Variants in GTF2IRD1 observed in about 807,000 individuals in gnomAD.
The protein encoded by GTF2IRD1 is GTF2I repeat domain containing 1.
In GTF2IRD1, 26 loss-of-function variants were observed where a neutral mutation model predicts 113.2. The observed-to-expected ratio is 0.23, with a 90% CI of 0.17 to 0.32. GTF2IRD1 has a LOEUF of 0.32. Ranked by LOEUF, GTF2IRD1 falls within the 10% of genes least tolerant of loss-of-function variation. The pLI is 1.00. For missense variants in GTF2IRD1, 864 were observed against 1,280.8 expected, an observed-to-expected ratio of 0.67 and a Z score of 4.97; for synonymous variants, 484 against 529.1, an observed-to-expected ratio of 0.91 and a Z score of 1.17.
intron 22 of GTF2IRD1, among the ~76,000 whole-genome samples, chr7:74,569,353 A>G (rs1800544706): frequency 6.6e-6 from 1 of 152,116 alleles, no homozygotes; most frequent in South Asian, 2.1e-4. Flanking sequence ...CCATTTTGTA[A>G]CTGAGCAAAC....
intron 1 of GTF2IRD1, among the ~76,000 whole-genome samples, chr7:74,466,218 C>A (rs37631): frequency 0.81 from 123,037 of 152,058 alleles, 49,890 homozygotes; most frequent in Admixed American, 0.85. Flanking sequence ...GGGGCGGGGG[C>A]TACCTGTGGC....
At chr7:74,459,944 G>A (rs1198901383) in intron 1 of GTF2IRD1, among the ~76,000 whole-genome samples, 1 of 151,862 alleles carries the variant, frequency 6.6e-6, no homozygotes, top group East Asian at 1.9e-4. Context: ...AGTTTGAATC[G>A]AGTGGAGCTG....
At chr7:74,511,492 C>T (rs1275214611) in intron 2 of GTF2IRD1, among the ~76,000 whole-genome samples, 2 of 152,234 alleles carry the variant, frequency 1.3e-5, no homozygotes, top group African/African-American at 4.8e-5. Context: ...TAATAGTCTA[C>T]AGTGTTCCCG....
In GTF2IRD1 at chr7:74,536,234, G is replaced by A. The variant is rs1554350144; in HGVS notation, c.1368G>A (p.Glu456=). The A allele has an allele frequency of 2.5e-6, 4 of 1,613,192 alleles. No homozygotes were observed. The African/African-American group carries it at 4.0e-5, about 16-fold the overall frequency. ...GCCCGCCAGAGGACACCTCTGCAGA[G>A]GTCTCTAGGGCCACCGTCCTTGACC... ...PASPPEDTSA[E]VSRATVLDLA... Residue 456 remains glutamate, a synonymous_variant, in exon 11 of 27, where the codon GAG becomes GAA. Transcript: ENST00000424337.
Position 74,601,157 on chromosome 7 carries a change from T to C in GTF2IRD1, c.2743T>C (p.Ser915Pro). 1 of 1,603,792 alleles carries C rather than the reference T, an allele frequency of 6.2e-7. No individual in the cohort carries two copies. Among genetic ancestry groups the C allele is most frequent in the South Asian group, 1.1e-5 (1 of 89,758 alleles). ...GTCCTCTAACCCGGATTCAGTGGCA[T>C]CGGCCAACCAGATCTCACTCGTGGT... is the stretch of plus-strand genomic sequence containing the variant. ...SSSSNPDSVA[S>P]ANQISLVQWP... The change falls in exon 26 of 27, where the codon TCG becomes CCG. Residue 915 changes from serine (S) to proline (P), a missense_variant. Around this residue, in one of 7 missense-constraint regions of GTF2IRD1, gnomAD observed 55 missense variants for 52.2 expected, o/e 1.05. Coordinates refer to ENST00000424337, the MANE Select transcript of GTF2IRD1 (RefSeq NM_005685.4).
Position 74,539,929 on chromosome 7 carries a change from C to G in GTF2IRD1, c.1579C>G (p.Pro527Ala), listed in dbSNP as rs1209220038. The G allele has an allele frequency of 3.7e-6, 6 of 1,613,196 alleles. No individual in the cohort carries two copies. The African/African-American group carries it at 8.0e-5, about 22-fold the overall frequency. Residue 527 changes from proline to alanine, a missense_variant, in exon 14 of 27, where the codon CCA becomes GCA. This residue lies in a region of GTF2IRD1 where 218 missense variants were observed against 352.6 expected (regional missense o/e 0.62). Transcript: ENST00000424337. ...GACAGACTCGATGCCTGGGCACCTG[C>G]CATCGGAGGATTCTGGTTATGGGAT... ...EMTDSMPGHL[P>A]SEDSGYGMEM...
intron 14 of GTF2IRD1, among the ~76,000 whole-genome samples, chr7:74,540,545 G>C (rs1554351422): frequency 6.6e-6 from 1 of 151,992 alleles, no homozygotes; most frequent in African/African-American, 2.4e-5. Context: ...AGCATCTGTT[G>C]TGTACCAGGT....
At chr7:74,575,681 G>C (rs1464765645) in intron 22 of GTF2IRD1, among the ~76,000 whole-genome samples, 3 of 152,170 alleles carry the variant, frequency 2.0e-5, no homozygotes, top group Non-Finnish European at 4.4e-5. Flanking sequence ...CAGAGGTTCA[G>C]GCTGAACTTG....
In GTF2IRD1 at chr7:74,573,633, A is replaced by G. The variant is rs1583925056; in HGVS notation, c.2320+13978A>G. On this transcript the variant is annotated intron_variant, in intron 22 of 26. Transcript: ENST00000424337. ...GGCACCTTGTGCAGAACAGAAGCTG[A>G]TGCGTGTGTCTGAGCCATAGAAGTA... 2.0e-5 allele frequency among the ~76,000 whole-genome samples: 3 copies of G among 152,318 alleles called. No individual in the cohort carries two copies. The East Asian group carries it at 5.8e-4, about 29-fold the overall frequency.
At chr7:74,542,130 A>G (rs1554351947) in intron 14 of GTF2IRD1, among the ~76,000 whole-genome samples, 1 of 150,710 alleles carries the variant, frequency 6.6e-6, no homozygotes, top group African/African-American at 2.4e-5. Context: ...GGGCATGAAG[A>G]ATTGCGTAAT....
At chr7:74,548,748 T>A (rs1417822798) in intron 17 of GTF2IRD1, among the ~76,000 whole-genome samples, 2 of 151,266 alleles carry the variant, frequency 1.3e-5, no homozygotes, top group African/African-American at 2.4e-5. Context: ...TACAAAAAAA[T>A]TTTAAATTAG....
chr7:74,537,962 C>A (rs1380697106), intron 11 of GTF2IRD1, among the ~76,000 whole-genome samples, 174 bp from the exon 12 acceptor site: 15 of 152,226 alleles, frequency 9.9e-5, no homozygotes, highest in Admixed American at 2.0e-4. Flanking sequence ...CACGGGGAAT[C>A]TGTCTTCCTG....
chr7:74,456,408 G>A (rs1381375939), intron 1 of GTF2IRD1, among the ~76,000 whole-genome samples: 3 of 152,210 alleles, frequency 2.0e-5, no homozygotes, highest in African/African-American at 7.2e-5. Context: ...GTCTGGCCGG[G>A]CGCAGTGGCT....
chr7:74,589,389 C>T (rs1337725863), intron 22 of GTF2IRD1, among the ~76,000 whole-genome samples: 1 of 151,436 alleles, frequency 6.6e-6, no homozygotes, highest in Admixed American at 6.6e-5. Flanking sequence ...AGGGACAGAC[C>T]AATAACTGAT....
intron 8 of GTF2IRD1, among the ~76,000 whole-genome samples, chr7:74,528,869 A>AGATGGATG (rs781849655): frequency 4.7e-4 from 48 of 101,750 alleles, no homozygotes; most frequent in African/African-American, 1.5e-3. Flanking sequence ...ATGAATGGGC[A>AGATGGATG]GATGGATGGA....
chr7:74,578,267 C>T (rs1801199138), intron 22 of GTF2IRD1, among the ~76,000 whole-genome samples: 1 of 152,128 alleles, frequency 6.6e-6, no homozygotes, highest in South Asian at 2.1e-4. Flanking sequence ...CTGCAACCTC[C>T]ACCTCCCAGG....
chr7:74,552,559 A>AT lies in GTF2IRD1; in HGVS notation c.1917-2611dup, dbSNP rs79542963. ...AGGTAGCAGGAGCCAGATCACATGG[A>AT]TTTTGGGCCAGCTTAAAGAGTTTGA... On this transcript the variant is annotated intron_variant, in intron 17 of 26. Coordinates refer to ENST00000424337, the MANE Select transcript of GTF2IRD1 (RefSeq NM_005685.4). 0.026 allele frequency among the ~76,000 whole-genome samples: 3,937 copies of AT among 152,204 alleles called. 371 individuals are homozygous for AT. In the East Asian group the frequency reaches 0.34, roughly 13 times the overall value.
rs367742860 is a variant in GTF2IRD1, at chr7:74,599,750, T to C, written c.2630-1294T>C. 5.9e-5 allele frequency among the ~76,000 whole-genome samples: 9 copies of C among 152,292 alleles called. No homozygotes were observed. In the East Asian group the frequency reaches 1.5e-3, roughly 26 times the overall value. The stretch of plus-strand genomic sequence containing the variant: ...GTTGCCCAGGCTGGTCTCGAACTCC[T>C]GACCTCAGTCAATCCACCCACCTTG... On this transcript the variant is annotated intron_variant, in intron 25 of 26. Transcript: ENST00000424337.
Position 74,522,117 on chromosome 7 carries a change from C to T in GTF2IRD1, c.1006+820C>T, listed in dbSNP as rs1052327778. ...CCAAAAGAGAGGAACGAGGAAGCCA[C>T]GTGGCTTTTATGACCCATCCTTAGA... On this transcript the variant is annotated intron_variant, in intron 7 of 26. Transcript: ENST00000424337. Among the ~76,000 whole-genome samples the T allele has an allele frequency of 3.9e-5, 6 of 152,204 alleles. No individual in the cohort carries two copies. In the South Asian group the frequency reaches 8.3e-4, roughly 21 times the overall value.
Sources: allele counts gnomAD v4.1 joint callset (sites outside exome capture counted in the v4.1 genomes callset), GRCh38; gene constraint gnomAD v4.1.1; regional missense constraint gnomAD v4.1.1; transcripts MANE v1.5; gene names NCBI Gene and HGNC (gene_info 2026-07-23, HGNC 2026-07-21).